The following TNFRSF10D variants were observed in gnomAD, a reference collection of about 807,000 sequenced individuals.
TNFRSF10D encodes the protein TNF receptor superfamily member 10d, also known as tumor necrosis factor receptor superfamily member 10D.
Under a neutral mutation model 42.1 loss-of-function variants are expected in TNFRSF10D, and 28 were observed. The ratio of observed to expected loss-of-function variants is 0.66; its 90% CI spans 0.49 to 0.91. The LOEUF (loss-of-function observed/expected upper bound fraction) is 0.91. Ranked by LOEUF, TNFRSF10D falls within the 40% of genes least tolerant of loss-of-function variation. The probability of loss-of-function intolerance (pLI) is 0.00; values close to 1 mark genes in which losing one functional copy is unlikely to be tolerated. For missense variants in TNFRSF10D, 503 were observed against 486.1 expected, an observed-to-expected ratio of 1.03 and a Z score of -0.33; for synonymous variants, 186 against 189.4, an observed-to-expected ratio of 0.98 and a Z score of 0.15.
rs746249608 is a variant in TNFRSF10D, at chr8:23,140,133, C to CA, written c.955-1874dup. On this transcript the variant is annotated intron_variant, in intron 7 of 8. Coordinates refer to ENST00000312584, the MANE Select transcript of TNFRSF10D (RefSeq NM_003840.5). ...TGAAACCCCACCTCTACTAAAAATA[C>CA]AAAAAACTAACCAGGCGTGGCAGTG... 1.2e-4 allele frequency among the ~76,000 whole-genome samples: 19 copies of CA among 152,120 alleles called. No individual in the cohort carries two copies. In the South Asian group the frequency reaches 1.7e-3, roughly 13 times the overall value.
At position 23,140,750 on chromosome 8, in the gene TNFRSF10D, C is replaced by T. The variant is rs542878550; in HGVS notation, c.955-2490G>A. ...GTTTTATAAAGAGCAGTCCCCTGCA[C>T]ACGCTCTCTTGCCTGTCGCCATGTA... On this transcript the variant is annotated intron_variant, in intron 7 of 8. Coordinates refer to ENST00000312584, the MANE Select transcript of TNFRSF10D (RefSeq NM_003840.5). 5.3e-5 allele frequency among the ~76,000 whole-genome samples: 8 copies of T among 152,332 alleles called. 1 individual carries two copies. In the South Asian group the frequency reaches 1.7e-3, roughly 32 times the overall value.
Position 23,145,152 on chromosome 8 carries a change from G to A in TNFRSF10D, c.737-63C>T, listed in dbSNP as rs1041467983. ...GCCCATGCAGCACCTCCCTCCCAGA[G>A]GACAGTGGGGCGCAGGGCTGGCTGG... On this transcript the variant is annotated intron_variant, in intron 5 of 8. Coordinates refer to ENST00000312584, the MANE Select transcript of TNFRSF10D (RefSeq NM_003840.5). The A allele has an allele frequency of 2.5e-6, 4 of 1,607,194 alleles. No homozygotes were observed. The African/African-American group carries it at 4.0e-5, about 16-fold the overall frequency.
intron 2 of TNFRSF10D, among the ~76,000 whole-genome samples, chr8:23,149,026 T>C (rs1365831188): frequency 1.3e-5 from 2 of 150,972 alleles, no homozygotes; most frequent in African/African-American, 4.9e-5. Flanking sequence ...CCATCTCTAC[T>C]AAAAATACAA....
rs537007852 is a variant in TNFRSF10D at position 23,162,041 on chromosome 8, G to A, written c.150+1745C>T. 2.4e-4 allele frequency among the ~76,000 whole-genome samples: 35 copies of A among 145,784 alleles called. 1 individual carries two copies. Among genetic ancestry groups the A allele is most frequent in the African/African-American group, 7.5e-4 (30 of 40,048 alleles). Reference sequence around the variant, plus strand: ...GGGATATAACCAGCTGCCTCTAGATGGCAACAGTGAATTAACCTGTGGCTT... The same window carrying A: ...GGGATATAACCAGCTGCCTCTAGATAGCAACAGTGAATTAACCTGTGGCTT... On this transcript the variant is annotated intron_variant, in intron 1 of 8. Transcript: ENST00000312584.
intron 1 of TNFRSF10D, among the ~76,000 whole-genome samples, chr8:23,157,102 A>T (rs1800291886): frequency 2.6e-5 from 4 of 152,146 alleles, no homozygotes; most frequent in Admixed American, 2.0e-4. Flanking sequence ...TAGTTTTTTA[A>T]TATACTCATA....
At chr8:23,145,139 C>G in intron 5 of TNFRSF10D, 50 bp from the exon 6 acceptor site, 8 of 1,612,070 alleles carry the variant, frequency 5.0e-6, no homozygotes, top group Non-Finnish European at 6.8e-6. Context: ...CCATGCAGCA[C>G]CTCCCTCCCA....
At chr8:23,150,164 G>T (rs1253468686) in intron 2 of TNFRSF10D, among the ~76,000 whole-genome samples, 3 of 151,428 alleles carry the variant, frequency 2.0e-5, no homozygotes, top group Non-Finnish European at 2.9e-5. Flanking sequence ...TTCCAGATCT[G>T]TCCTAGTGCC....
At chr8:23,153,371 A>G (rs1800233252) in intron 2 of TNFRSF10D, among the ~76,000 whole-genome samples, 1 of 152,228 alleles carries the variant, frequency 6.6e-6, no homozygotes, top group Admixed American at 6.5e-5. Flanking sequence ...TAGACAGATG[A>G]GATTATATCA....
chr8:23,154,894 T>C lies in TNFRSF10D; in HGVS notation c.236A>G (p.Lys79Arg), dbSNP rs1800254310. 6.2e-7 allele frequency: 1 copy of C among 1,613,882 alleles called. No individual in the cohort carries two copies. Among genetic ancestry groups the C allele is most frequent in the Admixed American group, 1.7e-5 (1 of 59,998 alleles). ...TGCACCTGCTGGACACTCCTCCTCC[T>C]TGAGGCTGCGCCTCTGTTGCTGTGG... is the stretch of plus-strand genomic sequence containing the variant. ...VAPQQQRRSL[K>R]EEECPAGSHR... Residue 79 changes from lysine (K) to arginine (R), a missense_variant, in exon 2 of 9, where the codon AAG (lysine) becomes AGG (arginine). Lys to Arg is a conservative substitution (Grantham distance 26, BLOSUM62 2). Transcript: ENST00000312584.
At chr8:23,158,948 A>G (rs531004421) in intron 1 of TNFRSF10D, among the ~76,000 whole-genome samples, 1 of 152,270 alleles carries the variant, frequency 6.6e-6, no homozygotes, top group South Asian at 2.1e-4. Flanking sequence ...TCATTTTTCA[A>G]TGTAATCCTC....
chr8:23,152,760 G>A (rs1265021854), intron 2 of TNFRSF10D, among the ~76,000 whole-genome samples: 2 of 152,182 alleles, frequency 1.3e-5, no homozygotes, highest in Non-Finnish European at 2.9e-5. Flanking sequence ...TCATGGATTA[G>A]AAAACTCAAT....
chr8:23,156,367 C>A (rs1212044145), intron 1 of TNFRSF10D, among the ~76,000 whole-genome samples: 581 of 151,574 alleles, frequency 3.8e-3, no homozygotes, highest in African/African-American at 0.012. Context: ...ACCTGGCTCT[C>A]AGCAAGACAA....
At chr8:23,161,191 C>T (rs1003896577) in intron 1 of TNFRSF10D, among the ~76,000 whole-genome samples, 3 of 152,240 alleles carry the variant, frequency 2.0e-5, no homozygotes, top group Non-Finnish European at 2.9e-5. Flanking sequence ...TTTATCTCCT[C>T]TTCACTTTAC....
intron 7 of TNFRSF10D, among the ~76,000 whole-genome samples, chr8:23,140,106 G>A (rs143810426): frequency 0.012 from 1,784 of 152,214 alleles, 33 homozygotes; most frequent in African/African-American, 0.032. Flanking sequence ...TGGCTAACAC[G>A]GTGAAACCCC....
chr8:23,144,631 A>C lies in TNFRSF10D; in HGVS notation c.773T>G (p.Leu258Arg). The C allele has an allele frequency of 1.9e-6, 3 of 1,613,110 alleles. No homozygotes were observed. Among genetic ancestry groups the C allele is most frequent in the Non-Finnish European group, 2.5e-6 (3 of 1,179,390 alleles). The change falls in exon 7 of 9, where the codon CTT becomes CGT. Residue 258 changes from leucine (L) to arginine (R), a missense_variant. By Grantham distance (102) the Leu-to-Arg change is moderately radical (BLOSUM62 -2). Transcript: ENST00000312584. ...GGGPERVHRV[L>R]FRRRSCPSRV... ...TGAAGGACATGAACGCCGCCGGAAAAGGACCTTGGGAAGACAAAGAGCCCA... is the reference window on the plus strand; with the variant it reads ...TGAAGGACATGAACGCCGCCGGAAACGGACCTTGGGAAGACAAAGAGCCCA...
chr8:23,154,370 A>C (rs1261646769), intron 2 of TNFRSF10D, among the ~76,000 whole-genome samples: 890 of 152,186 alleles, frequency 5.8e-3, no homozygotes, highest in African/African-American at 0.018. Context: ...AATATATTCC[A>C]TGGAACAAAC....
intron 7 of TNFRSF10D, among the ~76,000 whole-genome samples, chr8:23,139,293 C>G (rs903682858): frequency 2.6e-5 from 4 of 152,064 alleles, no homozygotes; most frequent in Admixed American, 2.6e-4. Context: ...CAAATGTTAT[C>G]TCCTTTGATA....
At chr8:23,155,028 T>C (rs1034857251) in intron 1 of TNFRSF10D, 49 bp from the exon 2 acceptor site, 1 of 1,400,038 alleles carries the variant, frequency 7.1e-7, no homozygotes, top group Non-Finnish European at 9.7e-7. Context: ...AGACCTTACC[T>C]CTCCCAGGCT....
rs554082848 is a variant in TNFRSF10D at position 23,146,395 on chromosome 8, A to G, written c.483-474T>C. Among the ~76,000 whole-genome samples the G allele has an allele frequency of 7.9e-5, 12 of 152,178 alleles. No homozygotes were observed. The South Asian group carries it at 2.3e-3, about 29-fold the overall frequency. Reference sequence around the variant, plus strand: ...GTTACTCTTTGCCCCTAAAACCCAAATAGGATAAAGAAGGACTTAGTGAGA... The same window carrying G: ...GTTACTCTTTGCCCCTAAAACCCAAGTAGGATAAAGAAGGACTTAGTGAGA... On this transcript the variant is annotated intron_variant, in intron 4 of 8. Coordinates refer to ENST00000312584, the MANE Select transcript of TNFRSF10D (RefSeq NM_003840.5).
Sources: gnomAD v4.1 joint callset for allele counts (sites outside exome capture counted in the v4.1 genomes callset) on GRCh38, gnomAD v4.1.1 for gene constraint, MANE v1.5 for transcripts, NCBI Gene and HGNC (gene_info 2026-07-23, HGNC 2026-07-21) for gene names.